Variants in FOXP1 observed in about 807,000 individuals in gnomAD.
FOXP1 encodes the protein forkhead box protein P1.
A neutral mutation model predicts 98.2 loss-of-function variants in FOXP1; 15 were observed. That is an observed-to-expected ratio of 0.15 (90% CI 0.10 to 0.24). The LOEUF (loss-of-function observed/expected upper bound fraction) is 0.24, where lower values mean the gene tolerates loss of function less well. FOXP1 is among the 10% of genes least tolerant of loss of function. The pLI, the probability that FOXP1 is intolerant of heterozygous loss-of-function variation, is 1.00. For synonymous variants in FOXP1, 371 were observed against 314.5 expected, an observed-to-expected ratio of 1.18 and a Z score of -1.90; for missense variants, 633 against 848.5, an observed-to-expected ratio of 0.75 and a Z score of 3.15.
At chr3:71,509,917 G>A (rs1311432607) in intron 2 of FOXP1, among the ~76,000 whole-genome samples, 4 of 152,126 alleles carry the variant, frequency 2.6e-5, no homozygotes, top group East Asian at 1.9e-4. Context: ...GGTGGCTCAC[G>A]CCTGTAATCC....
At chr3:70,963,222 C>G (rs557236968) in intron 20 of FOXP1, among the ~76,000 whole-genome samples, 9 of 152,294 alleles carry the variant, frequency 5.9e-5, no homozygotes, top group Middle Eastern at 3.4e-3. Flanking sequence ...AGTGGGTCCC[C>G]AACAAATGTT....
At chr3:71,004,519 CTG>C (rs1239493280) in intron 12 of FOXP1, among the ~76,000 whole-genome samples, 1 of 152,108 alleles carries the variant, frequency 6.6e-6, no homozygotes, top group East Asian at 1.9e-4. Context: ...AACCTATTAA[CTG>C]AAGTGCACAG....
intron 3 of FOXP1, among the ~76,000 whole-genome samples, chr3:71,389,964 T>A (rs1163169295): frequency 6.6e-6 from 1 of 152,140 alleles, no homozygotes; most frequent in Non-Finnish European, 1.5e-5. Context: ...AAGCTCAGGC[T>A]GCGGTTTCTT....
chr3:71,385,850 A>G (rs753215982), intron 3 of FOXP1, among the ~76,000 whole-genome samples: 1 of 152,008 alleles, frequency 6.6e-6, no homozygotes, highest in Admixed American at 6.5e-5. Context: ...CACTCTTTCT[A>G]CTGGCTTCTG....
intron 5 of FOXP1, among the ~76,000 whole-genome samples, chr3:71,203,828 C>G (rs2063817451): frequency 1.3e-5 from 2 of 151,900 alleles, no homozygotes; most frequent in African/African-American, 2.4e-5. Context: ...CACAGTCCAC[C>G]CCCCATCCGA....
intron 4 of FOXP1, among the ~76,000 whole-genome samples, chr3:71,352,120 A>G (rs1279238941): frequency 1.3e-5 from 2 of 152,196 alleles, no homozygotes; most frequent in Non-Finnish European, 2.9e-5. Flanking sequence ...CTGCAAGTCG[A>G]TAACCCCAAG....
chr3:71,348,546 T>TGCGC (rs1365387269), intron 4 of FOXP1, among the ~76,000 whole-genome samples: 2 of 131,174 alleles, frequency 1.5e-5, no homozygotes, highest in Non-Finnish European at 1.6e-5. Flanking sequence ...TGTGTGTGTG[T>TGCGC]GTGCGTGCGC....
intron 5 of FOXP1, among the ~76,000 whole-genome samples, chr3:71,299,156 C>T (rs953418043): frequency 1.3e-5 from 2 of 152,128 alleles, no homozygotes; most frequent in Non-Finnish European, 1.5e-5. Context: ...CTTTTTCACT[C>T]CCCCTCCCAA....
chr3:71,395,785 T>C (rs2081335308), intron 3 of FOXP1, among the ~76,000 whole-genome samples: 1 of 152,130 alleles, frequency 6.6e-6, no homozygotes, highest in Non-Finnish European at 1.5e-5. Flanking sequence ...TCCCACATCA[T>C]ATCGGTCTCC....
intron 12 of FOXP1, among the ~76,000 whole-genome samples, chr3:71,007,745 T>G (rs2107666920): frequency 6.6e-6 from 1 of 152,306 alleles, no homozygotes; most frequent in South Asian, 2.1e-4. Context: ...CTTAGTAGTT[T>G]CTTTCACACA....
intron 7 of FOXP1, among the ~76,000 whole-genome samples, chr3:71,085,554 T>A (rs1380746614): frequency 6.6e-6 from 1 of 152,024 alleles, no homozygotes. Context: ...TGGGCTCCTA[T>A]GGCTTCAGCT....
At chr3:71,453,409 A>G (rs1419711915) in intron 3 of FOXP1, among the ~76,000 whole-genome samples, 2 of 152,162 alleles carry the variant, frequency 1.3e-5, no homozygotes, top group Non-Finnish European at 2.9e-5. Flanking sequence ...ATGCACATGA[A>G]TATTTTGAGA....
chr3:71,122,909 C>T (rs139789068), intron 6 of FOXP1, among the ~76,000 whole-genome samples: 34 of 152,240 alleles, frequency 2.2e-4, no homozygotes, highest in African/African-American at 6.5e-4. Flanking sequence ...TGCAGACCTC[C>T]GGAGCTAAAA....
chr3:71,010,464 T>C (rs547460007), intron 12 of FOXP1, among the ~76,000 whole-genome samples: 15 of 152,294 alleles, frequency 9.8e-5, no homozygotes, highest in South Asian at 6.2e-4. Flanking sequence ...AGTTAATATA[T>C]GTGAAGCATT....
At chr3:71,298,032 C>T (rs933896608) in intron 5 of FOXP1, among the ~76,000 whole-genome samples, 2 of 152,134 alleles carry the variant, frequency 1.3e-5, no homozygotes, top group African/African-American at 4.8e-5. Context: ...TTATAGAGAC[C>T]AGGAGACAGC....
At chr3:71,486,122 A>C (rs1012290347) in intron 3 of FOXP1, among the ~76,000 whole-genome samples, 27 of 152,330 alleles carry the variant, frequency 1.8e-4, no homozygotes, top group Middle Eastern at 3.4e-3. Context: ...CCCAACTTGG[A>C]ATAAAACCCA....
chr3:71,074,122 T>C (rs1185628501), intron 7 of FOXP1, among the ~76,000 whole-genome samples: 3 of 152,188 alleles, frequency 2.0e-5, no homozygotes, highest in African/African-American at 7.2e-5. Flanking sequence ...GTGTGATGCA[T>C]TTGGCATTTC....
chr3:70,959,586 G>C (rs1392705897), intron 20 of FOXP1, among the ~76,000 whole-genome samples, 195 bp from the exon 21 acceptor site: 3 of 152,178 alleles, frequency 2.0e-5, no homozygotes, highest in Non-Finnish European at 4.4e-5. Flanking sequence ...CAGTTTCTGA[G>C]TTGTGCTAGC....
At chr3:71,254,518 TTCATGATAATACAA>T (rs1343560756) in intron 5 of FOXP1, among the ~76,000 whole-genome samples, 1 of 152,246 alleles carries the variant, frequency 6.6e-6, no homozygotes, top group East Asian at 1.9e-4. Flanking sequence ...CATATTAATG[TTCATGATAATACAA>T]TCTTTCATTT....
Sources: gnomAD v4.1 joint callset for allele counts (sites outside exome capture counted in the v4.1 genomes callset) on GRCh38, gnomAD v4.1.1 for gene constraint, MANE v1.5 for transcripts, NCBI Gene and HGNC (gene_info 2026-07-23, HGNC 2026-07-21) for gene names.